Variants in ZNF626 observed in about 807,000 individuals in gnomAD.
ZNF626 encodes the protein CTC-513N18.7.
ZNF626 carries 4 observed loss-of-function variants against 11.7 expected under a neutral mutation model. The ratio of observed to expected loss-of-function variants is 0.34; its 90% confidence interval spans 0.17 to 0.78. The LOEUF is 0.78. Among genes scored for constraint, ZNF626 ranks in the 30% least tolerant of loss-of-function variants. The pLI, the probability that ZNF626 is intolerant of heterozygous loss-of-function variation, is 0.57. For synonymous variants in ZNF626, 179 were observed against 198.6 expected (o/e 0.90, Z 0.83); for missense variants, 588 against 587.1 (o/e 1.00, Z -0.01).
chr19:20,625,231 G>C lies in ZNF626; in HGVS notation c.646C>G (p.Leu216Val). 1.2e-6 allele frequency: 2 copies of C among 1,613,490 alleles called. No homozygotes were observed. Among genetic ancestry groups the C allele is most frequent in the South Asian group, 2.2e-5 (2 of 91,056 alleles). Residue 216 changes from leucine to valine, a missense_variant, in exon 4 of 4, where the codon CTT becomes GTT. By Grantham distance (32) the Leu-to-Val change is conservative. This residue lies in a region of ZNF626 where 524 missense variants were observed against 470.1 expected (regional missense o/e 1.11). Transcript: ENST00000601440. ...CGKAFNHSCS[L>V]TRHKKIHTGE... The stretch of plus-strand genomic sequence containing the variant: ...GTATGAATTTTCTTATGTCTAGTAA[G>C]GCTACAAGAGTGGTTAAAGGCTTTG...
chr19:20,640,719 A>AT (rs1215900967), intron 3 of ZNF626, among the ~76,000 whole-genome samples: 47 of 152,132 alleles, frequency 3.1e-4, no homozygotes, highest in African/African-American at 1.1e-3. Flanking sequence ...GCCACTATAA[A>AT]TTTTTTTAAA....
Position 20,625,398 on chromosome 19 carries a change from G to T in ZNF626, c.479C>A (p.Ser160Ter), listed in dbSNP as rs1183818067. Residue 160 changes from serine to a stop codon, truncating the protein, a stop_gained, in exon 4 of 4, where the codon TCA (serine) becomes TAA (stop). Coordinates refer to ENST00000601440, the MANE Select transcript of ZNF626 (RefSeq NM_001076675.3). LOFTEE classifies it low-confidence loss of function (END_TRUNC). ...AGTATGTCCTCTCTTTTGTCCGTTT[G>T]AATTTGGAAATTGATGAAGGACTTT... is the stretch of plus-strand genomic sequence containing the variant. ...YVKVLHQFPN[S>*]NGQKRGHTGK... is the part of the protein sequence containing the mutation. 4 of 1,613,906 alleles carry T rather than the reference G, an allele frequency of 2.5e-6. No individual in the cohort carries two copies. The African/African-American group carries it at 5.3e-5, about 22-fold the overall frequency.
At chr19:20,657,431 G>C (rs1473887456) in intron 1 of ZNF626, among the ~76,000 whole-genome samples, 1 of 151,780 alleles carries the variant, frequency 6.6e-6, no homozygotes, top group Non-Finnish European at 1.5e-5. Flanking sequence ...TAAACATCAT[G>C]GAATACTCTG....
At chr19:20,640,978 T>A (rs1214739219) in intron 3 of ZNF626, among the ~76,000 whole-genome samples, 1 of 151,764 alleles carries the variant, frequency 6.6e-6, no homozygotes, top group African/African-American at 2.4e-5. Flanking sequence ...CTACTAAAAA[T>A]ACAAAAAACT....
chr19:20,661,528 T>C lies in ZNF626; in HGVS notation c.-82A>G, dbSNP rs1970268760. 3 of 1,339,824 alleles carry C rather than the reference T, an allele frequency of 2.2e-6. No homozygotes were observed. The highest frequency in any genetic ancestry group is 2.6e-5 in the South Asian group (2 of 78,050). 83.0% of individuals were successfully genotyped at this position (1,339,824 alleles called of 1,614,324 possible). The stretch of plus-strand genomic sequence containing the variant: ...ACACGGGGCCACACAGCCTGGGCCT[T>C]TAGGAGAAGAACCAGACCTGGAGCT... On this transcript the variant is annotated 5_prime_UTR_variant, in exon 1 of 4. Transcript: ENST00000601440.
intron 3 of ZNF626, among the ~76,000 whole-genome samples, chr19:20,626,516 G>A (rs1555769746): frequency 6.6e-6 from 1 of 152,126 alleles, no homozygotes; most frequent in East Asian, 1.9e-4. Context: ...GTGAGAATTT[G>A]AGACCAGCCT....
chr19:20,627,954 G>A lies in ZNF626; in HGVS notation c.227-2304C>T, dbSNP rs551347417. ...TGCCCCTGACGCCACAACAGTCCCC[G>A]GTGTGTGATGTTTCCCTTCCTGTGT... On this transcript the variant is annotated intron_variant, in intron 3 of 3. Coordinates refer to ENST00000601440, the MANE Select transcript of ZNF626 (RefSeq NM_001076675.3). Among the ~76,000 whole-genome samples the A allele has an allele frequency of 2.9e-3, 434 of 152,146 alleles. 2 individuals carry two copies. Among genetic ancestry groups the A allele is most frequent in the Middle Eastern group, 3.4e-3 (1 of 294 alleles).
rs527286393 is a variant in ZNF626, at chr19:20,624,092, C to A, written c.*198G>T. On this transcript the variant is annotated 3_prime_UTR_variant, in exon 4 of 4. Coordinates refer to ENST00000601440, the MANE Select transcript of ZNF626 (RefSeq NM_001076675.3). Reference sequence around the variant, plus strand: ...AGGTGAAAAGCTTTACCACATTATTCACATCTGTAGGGTTTCTCTCCAGTA... The same window carrying A: ...AGGTGAAAAGCTTTACCACATTATTAACATCTGTAGGGTTTCTCTCCAGTA... The A allele has an allele frequency of 7.6e-6, 7 of 924,286 alleles. No individual in the cohort carries two copies. Among genetic ancestry groups the A allele is most frequent in the South Asian group, 6.6e-5 (5 of 75,362 alleles). The allele number at this position is 924,286 out of a possible 1,614,324, so 57.3% of individuals were successfully genotyped here.
intron 1 of ZNF626, among the ~76,000 whole-genome samples, chr19:20,649,986 G>C (rs1273024831): frequency 1.3e-5 from 2 of 152,112 alleles, no homozygotes; most frequent in African/African-American, 2.4e-5. Flanking sequence ...AAAGTTTACA[G>C]AAAAAACAGA....
At chr19:20,647,550 AG>A (rs1970095212) in intron 1 of ZNF626, among the ~76,000 whole-genome samples, 1 of 139,094 alleles carries the variant, frequency 7.2e-6, no homozygotes, top group Admixed American at 8.3e-5. Context: ...GCAGTGGCGC[AG>A]TCTCGGCTCA....
chr19:20,655,662 C>T (rs948113956), intron 1 of ZNF626, among the ~76,000 whole-genome samples: 2 of 152,036 alleles, frequency 1.3e-5, no homozygotes, highest in Non-Finnish European at 2.9e-5. Context: ...GTGGCTCATG[C>T]CTGCAATCCC....
intron 3 of ZNF626, among the ~76,000 whole-genome samples, chr19:20,631,076 G>A (rs1176721983): frequency 6.6e-6 from 1 of 152,144 alleles, no homozygotes; most frequent in Non-Finnish European, 1.5e-5. Flanking sequence ...CCATGTAGTT[G>A]AGTGGTTTTG....
At chr19:20,639,624 C>T (rs1970002282) in intron 3 of ZNF626, among the ~76,000 whole-genome samples, 1 of 152,168 alleles carries the variant, frequency 6.6e-6, no homozygotes, top group South Asian at 2.1e-4. Context: ...GTAGTCCTAG[C>T]TACTCAGAAA....
chr19:20,639,667 G>C (rs1004763810), intron 3 of ZNF626, among the ~76,000 whole-genome samples: 1 of 152,198 alleles, frequency 6.6e-6, no homozygotes, highest in African/African-American at 2.4e-5. Context: ...AGCCCAGGAG[G>C]CTGAGGCTAC....
intron 1 of ZNF626, among the ~76,000 whole-genome samples, chr19:20,656,929 G>A (rs1970211588): frequency 6.6e-6 from 1 of 152,048 alleles, no homozygotes; most frequent in Non-Finnish European, 1.5e-5. Context: ...ATTTGACCCA[G>A]GAATCTCATA....
intron 1 of ZNF626, among the ~76,000 whole-genome samples, chr19:20,657,491 C>A (rs554014027): frequency 6.6e-6 from 1 of 152,020 alleles, no homozygotes; most frequent in Non-Finnish European, 1.5e-5. Flanking sequence ...ACTGATGAAG[C>A]TGGAGACAAT....
intron 3 of ZNF626, among the ~76,000 whole-genome samples, chr19:20,644,348 T>C (rs1970052758): frequency 6.6e-6 from 1 of 152,088 alleles, no homozygotes; most frequent in African/African-American, 2.4e-5. Context: ...CAGAGCAAAG[T>C]CCCGAAGGAT....
chr19:20,635,210 G>A (rs1279987783), intron 3 of ZNF626, among the ~76,000 whole-genome samples: 1 of 152,196 alleles, frequency 6.6e-6, no homozygotes. Context: ...TGTTTGAAAA[G>A]TGCCACGAAA....
At chr19:20,633,694 T>C (rs572005708) in intron 3 of ZNF626, among the ~76,000 whole-genome samples, 2 of 152,302 alleles carry the variant, frequency 1.3e-5, no homozygotes, top group Admixed American at 1.3e-4. Flanking sequence ...TCTGTCACCC[T>C]TTTCTTTGAC....
Sources: gnomAD v4.1 joint callset for allele counts (sites outside exome capture counted in the v4.1 genomes callset) on GRCh38, gnomAD v4.1.1 for gene constraint, gnomAD v4.1.1 regional missense constraint, MANE v1.5 for transcripts, NCBI Gene and HGNC (gene_info 2026-07-23, HGNC 2026-07-21) for gene names.